Variants in SLAMF9 observed in about 807,000 individuals in gnomAD.
The protein encoded by SLAMF9 is CD2 family member 10.
A neutral mutation model predicts 30.4 loss-of-function variants in SLAMF9; 25 were observed. That is an observed-to-expected ratio of 0.82 (90% CI 0.60 to 1.15). The LOEUF (loss-of-function observed/expected upper bound fraction) is 1.15, where lower values mean the gene tolerates loss of function less well. Ranked by LOEUF, SLAMF9 falls within the 50% of genes most tolerant of loss-of-function variation. The pLI, the probability that SLAMF9 is intolerant of heterozygous loss-of-function variation, is 0.00. For synonymous variants in SLAMF9, 129 were observed against 127.2 expected (o/e 1.01, Z -0.09); for missense variants, 344 against 346.1 (o/e 0.99, Z 0.05).
chr1:159,958,459 C>T (rs1651976651), upstream of SLAMF9, among the ~76,000 whole-genome samples: 1 of 143,858 alleles, frequency 7.0e-6, no homozygotes, highest in Non-Finnish European at 1.5e-5. Flanking sequence ...CGTTTCTTCA[C>T]TTTTTTTTTT....
At chr1:159,954,701 A>T (rs992899071), upstream of SLAMF9, among the ~76,000 whole-genome samples, 2 of 152,188 alleles carry the variant, frequency 1.3e-5, no homozygotes, top group Non-Finnish European at 2.9e-5. Flanking sequence ...TGGATGAATG[A>T]TTAAGCCTTT....
Position 159,951,791 on chromosome 1 carries a change from A to C in SLAMF9, c.740T>G (p.Leu247Trp), listed in dbSNP as rs763200998. Residue 247 changes from leucine (L) to tryptophan (W), a missense_variant, in exon 4 of 4, where the codon TTG (leucine) becomes TGG (tryptophan). Physicochemically the swap from Leu to Trp is moderately conservative, Grantham distance 61. Coordinates refer to ENST00000368093, the MANE Select transcript of SLAMF9 (RefSeq NM_033438.4). Reference protein sequence around the residue: ...LAKGLLIFLLLVILAMGLWVI... With the variant: ...LAKGLLIFLLWVILAMGLWVI... ...CCAGAGTCCCATGGCCAGAATTACCAAGAGCAAGAAGATGAGCAATCCCTT... is the reference window on the plus strand; with the variant it reads ...CCAGAGTCCCATGGCCAGAATTACCCAGAGCAAGAAGATGAGCAATCCCTT... The C allele has an allele frequency of 6.2e-7, 1 of 1,614,168 alleles. No individual in the cohort carries two copies. The highest frequency in any genetic ancestry group is 1.1e-5 in the South Asian group (1 of 91,080).
At chr1:159,957,117 G>T (rs1245959358), upstream of SLAMF9, among the ~76,000 whole-genome samples, 9 of 51,530 alleles carry the variant, frequency 1.7e-4, no homozygotes, top group South Asian at 1.1e-3. Context: ...GCGAGACTCT[G>T]TCTCAAAAAA....
At chr1:159,969,367 G>C in the SLAMF9 span, among the ~76,000 whole-genome samples, 3 of 152,048 alleles carry the variant, frequency 2.0e-5, no homozygotes, top group Admixed American at 1.3e-4. Flanking sequence ...CCTTCCTCTA[G>C]AACAGTGGCT....
At chr1:159,980,522 C>G in the SLAMF9 span, 1 of 152,194 alleles carries the variant, frequency 6.6e-6, no homozygotes, top group Non-Finnish European at 1.5e-5. Flanking sequence ...GAGCTCAGCC[C>G]TATTTAATGC....
the SLAMF9 span, among the ~76,000 whole-genome samples, chr1:159,962,362 G>GC: frequency 2.0e-5 from 3 of 152,016 alleles, no homozygotes; most frequent in African/African-American, 7.3e-5. Flanking sequence ...TTTACCTTTG[G>GC]CCCGGGGCGG....
chr1:159,982,206 A>G, the SLAMF9 span, among the ~76,000 whole-genome samples: 1 of 152,190 alleles, frequency 6.6e-6, no homozygotes, highest in African/African-American at 2.4e-5. Flanking sequence ...TTTACTTACA[A>G]GATAAATTAG....
the SLAMF9 span, chr1:159,973,427 T>G: frequency 3.9e-6 from 2 of 509,328 alleles, no homozygotes; most frequent in Non-Finnish European, 7.0e-6. Flanking sequence ...TGTCCTCTTG[T>G]CCTCACCCAC....
the SLAMF9 span, among the ~76,000 whole-genome samples, chr1:159,962,480 T>A: frequency 6.6e-6 from 1 of 151,968 alleles, no homozygotes; most frequent in Non-Finnish European, 1.5e-5. Flanking sequence ...GGGTTGAAGA[T>A]TTGGGGAAAA....
the SLAMF9 span, chr1:159,972,637 T>G: frequency 6.0e-6 from 1 of 165,416 alleles, no homozygotes. Flanking sequence ...TGCTCTGACT[T>G]CACTGGGAAC....
the SLAMF9 span, among the ~76,000 whole-genome samples, chr1:159,975,555 C>T: frequency 6.6e-6 from 1 of 151,906 alleles, no homozygotes; most frequent in Non-Finnish European, 1.5e-5. Context: ...TACACCAGAG[C>T]AGTGGGAAAG....
chr1:159,954,153 C>T lies in SLAMF9; in HGVS notation c.-16G>A. On this transcript the variant is annotated 5_prime_UTR_variant, in exon 1 of 4. Coordinates refer to ENST00000368093, the MANE Select transcript of SLAMF9 (RefSeq NM_033438.4). The stretch of plus-strand genomic sequence containing the variant: ...AGGCACACATGTCAGCAGCCCCCAG[C>T]CCCAGAGGTGTGATTCAGTCAGTCA... 1 of 1,613,996 alleles carries T rather than the reference C, an allele frequency of 6.2e-7. No individual in the cohort carries two copies. The highest frequency in any genetic ancestry group is 8.5e-7 in the Non-Finnish European group (1 of 1,179,954).
the SLAMF9 span, among the ~76,000 whole-genome samples, chr1:159,974,485 C>T: frequency 2.6e-5 from 4 of 152,158 alleles, no homozygotes; most frequent in Admixed American, 2.6e-4. Flanking sequence ...ACCCAATAGT[C>T]CCCACCTCCA....
At chr1:159,973,044 C>A in the SLAMF9 span, 6 of 1,430,598 alleles carry the variant, frequency 4.2e-6, no homozygotes, top group East Asian at 1.6e-4. Context: ...GACCTGGCCA[C>A]CCTCGGGGGC....
At chr1:159,956,072 T>G (rs549636192), upstream of SLAMF9, among the ~76,000 whole-genome samples, 15 of 152,324 alleles carry the variant, frequency 9.8e-5, no homozygotes, top group African/African-American at 3.6e-4. Context: ...GCAGCACTAT[T>G]CACTAGAGCC....
the SLAMF9 span, among the ~76,000 whole-genome samples, chr1:159,968,218 T>C: frequency 6.6e-6 from 1 of 152,228 alleles, no homozygotes; most frequent in African/African-American, 2.4e-5. Flanking sequence ...CCATTGAGTA[T>C]AATATCAGCT....
chr1:159,954,219 A>G lies in SLAMF9; in HGVS notation c.-82T>C. ...CAGAAGACTGCATTAGGAGGCTCCT[A>G]GACACAAAGAGCCTGACTGATGGTC... On this transcript the variant is annotated 5_prime_UTR_variant, in exon 1 of 4. Transcript: ENST00000368093. The G allele has an allele frequency of 1.3e-6, 2 of 1,500,288 alleles. No homozygotes were observed. The highest frequency in any genetic ancestry group is 2.3e-5 in the South Asian group (2 of 86,504). 92.9% of individuals were successfully genotyped at this position (1,500,288 alleles called of 1,614,324 possible).
At chr1:159,974,255 C>T in the SLAMF9 span, among the ~76,000 whole-genome samples, 8 of 152,136 alleles carry the variant, frequency 5.3e-5, no homozygotes, top group Non-Finnish European at 1.0e-4. Flanking sequence ...ACTCCCTCTC[C>T]TCCCTTTCCT....
chr1:159,974,672 C>T, the SLAMF9 span, among the ~76,000 whole-genome samples: 1 of 152,194 alleles, frequency 6.6e-6, no homozygotes, highest in African/African-American at 2.4e-5. Flanking sequence ...AGGCCCCGTC[C>T]TGTCTGTTCT....
Sources: gnomAD v4.1 joint callset for allele counts (sites outside exome capture counted in the v4.1 genomes callset) on GRCh38, gnomAD v4.1.1 for gene constraint, MANE v1.5 for transcripts, NCBI Gene and HGNC (gene_info 2026-07-23, HGNC 2026-07-21) for gene names.